DCLK1: variants seen among roughly 807,000 people sequenced by gnomAD.
The protein encoded by DCLK1 is doublecortin like kinase 1.
Under a neutral mutation model 86.2 loss-of-function variants are expected in DCLK1, and 16 were observed. That is an observed-to-expected ratio of 0.19 (90% CI 0.13 to 0.28). DCLK1 has a LOEUF of 0.28. Among genes scored for constraint, DCLK1 ranks in the 10% least tolerant of loss-of-function variants. DCLK1 has a pLI of 1.00. For missense variants in DCLK1, 590 were observed against 940.2 expected (o/e 0.63, Z 4.87); for synonymous variants, 369 against 370.5 (o/e 1.00, Z 0.05).
At position 36,112,118 on chromosome 13, in the gene DCLK1, C is replaced by A; in HGVS notation, c.474G>T (p.Ser158=). The change falls in exon 3 of 17, where the codon TCG becomes TCT. Residue 158 remains serine (S), a synonymous_variant. Coordinates refer to ENST00000360631, the MANE Select transcript of DCLK1 (RefSeq NM_001330071.2). ...PNWSVNVKTT[S]ASRAVSSLAT... The stretch of plus-strand genomic sequence containing the variant: ...CCAGTGAAGACACTGCCCGAGAAGC[C>A]GAGGTGGTCTTGACGTTCACCGACC... 6.2e-7 allele frequency: 1 copy of A among 1,613,822 alleles called. No homozygotes were observed.
At chr13:36,077,186 A>G (rs1458530093) in intron 3 of DCLK1, among the ~76,000 whole-genome samples, 2 of 152,246 alleles carry the variant, frequency 1.3e-5, no homozygotes, top group African/African-American at 4.8e-5. Context: ...AGACTTGCCC[A>G]AGGTGACACT....
At chr13:36,007,696 T>G (rs900402288) in intron 3 of DCLK1, among the ~76,000 whole-genome samples, 95 of 152,260 alleles carry the variant, frequency 6.2e-4, no homozygotes, top group African/African-American at 2.2e-3. Flanking sequence ...TATTTGTGAG[T>G]AGAAAAACTC....
chr13:35,909,327 G>A (rs1874864871), intron 4 of DCLK1, among the ~76,000 whole-genome samples: 1 of 152,150 alleles, frequency 6.6e-6, no homozygotes, highest in Non-Finnish European at 1.5e-5. Context: ...ATGAATATTT[G>A]CACATAAAAT....
At chr13:35,935,748 A>T (rs1193334335) in intron 4 of DCLK1, among the ~76,000 whole-genome samples, 2 of 152,148 alleles carry the variant, frequency 1.3e-5, no homozygotes, top group Admixed American at 1.3e-4. Flanking sequence ...AAGATTAAGG[A>T]TATATTGTCA....
At chr13:35,828,524 A>G (rs1008501586) in intron 8 of DCLK1, among the ~76,000 whole-genome samples, 1 of 152,190 alleles carries the variant, frequency 6.6e-6, no homozygotes. Flanking sequence ...GCATAGAGAA[A>G]TCTTGGGCTA....
At chr13:35,895,549 T>G (rs1873910446) in intron 4 of DCLK1, among the ~76,000 whole-genome samples, 1 of 152,210 alleles carries the variant, frequency 6.6e-6, no homozygotes, top group Non-Finnish European at 1.5e-5. Flanking sequence ...CTTCTTGGAC[T>G]GAGTAAATTG....
intron 3 of DCLK1, among the ~76,000 whole-genome samples, chr13:36,044,125 C>T (rs1294429244): frequency 2.0e-5 from 3 of 152,150 alleles, no homozygotes; most frequent in African/African-American, 7.2e-5. Context: ...TCTGCAATTT[C>T]CTTCCCCTCT....
chr13:35,952,119 T>C (rs1877726196), intron 3 of DCLK1, among the ~76,000 whole-genome samples: 1 of 152,216 alleles, frequency 6.6e-6, no homozygotes, highest in Non-Finnish European at 1.5e-5. Flanking sequence ...GTTTAGCTTT[T>C]TTTATTAGCC....
intron 6 of DCLK1, chr13:35,848,162 C>T (rs2153109471): frequency 1.0e-6 from 1 of 985,266 alleles, no homozygotes; most frequent in Admixed American, 6.1e-5. Flanking sequence ...AACTGCGTGG[C>T]TTTTGCTGAA....
intron 4 of DCLK1, among the ~76,000 whole-genome samples, chr13:35,882,696 TTCCCCA>T (rs1463632275): frequency 7.4e-4 from 112 of 152,324 alleles, no homozygotes; most frequent in African/African-American, 2.3e-3. Flanking sequence ...AAAGGAACAA[TTCCCCA>T]ATACTGCCAC....
chr13:35,772,641 CGT>C lies in DCLK1; in HGVS notation c.*1892_*1893del, dbSNP rs1204758847. 1 of 150,020 alleles carries C rather than the reference CGT, an allele frequency of 6.7e-6. No individual in the cohort carries two copies. The highest frequency in any genetic ancestry group is 1.5e-5 in the Non-Finnish European group (1 of 67,706). The allele number at this position is 150,020 out of a possible 1,614,324, so 9.3% of individuals were successfully genotyped here. A position where few individuals can be genotyped will look rare whatever the true frequency, so the allele number is the denominator to read the frequency against. Reference sequence around the variant, plus strand: ...TGATTTATGCTACTTTGTGATTTTGCGTGTTATCACTTCCGGATGCTCTAAAA... The same window carrying C: ...TGATTTATGCTACTTTGTGATTTTGCGTTATCACTTCCGGATGCTCTAAAA... On this transcript the variant is annotated 3_prime_UTR_variant, in exon 17 of 17. Coordinates refer to ENST00000360631, the MANE Select transcript of DCLK1 (RefSeq NM_001330071.2).
At position 35,817,116 on chromosome 13, in the gene DCLK1, C is replaced by G. The variant is rs1016316411; in HGVS notation, c.1554+5613G>C. Among the ~76,000 whole-genome samples, 24 of 152,294 alleles carry G rather than the reference C, an allele frequency of 1.6e-4. No individual in the cohort carries two copies. The South Asian group carries it at 3.1e-3, about 20-fold the overall frequency. Reference sequence around the variant, plus strand: ...TTTTAGAAAGAAATGAGTGTCATCTCTTAATGACAGCAGAAAGGAGCAGTG... The same window carrying G: ...TTTTAGAAAGAAATGAGTGTCATCTGTTAATGACAGCAGAAAGGAGCAGTG... On this transcript the variant is annotated intron_variant, in intron 11 of 16. Coordinates refer to ENST00000360631, the MANE Select transcript of DCLK1 (RefSeq NM_001330071.2).
intron 3 of DCLK1, among the ~76,000 whole-genome samples, chr13:35,998,741 C>T (rs1463285372): frequency 6.6e-6 from 1 of 152,142 alleles, no homozygotes; most frequent in African/African-American, 2.4e-5. Context: ...GTGCCCTAAC[C>T]TTTTCAGAGC....
intron 3 of DCLK1, among the ~76,000 whole-genome samples, chr13:36,078,797 CT>C (rs1290580644): frequency 1.3e-5 from 2 of 152,186 alleles, no homozygotes; most frequent in African/African-American, 4.8e-5. Flanking sequence ...TCACTTTACA[CT>C]TCCAATTTTA....
intron 4 of DCLK1, among the ~76,000 whole-genome samples, chr13:35,934,577 G>A (rs1427376918): frequency 6.6e-6 from 1 of 152,112 alleles, no homozygotes; most frequent in Non-Finnish European, 1.5e-5. Flanking sequence ...CTTATTCATT[G>A]CCATGAGAGC....
chr13:36,086,084 T>C (rs9575260), intron 3 of DCLK1, among the ~76,000 whole-genome samples: 89,868 of 152,050 alleles, frequency 0.59, 26,993 homozygotes, highest in East Asian at 0.87. Flanking sequence ...ATATAAAAGG[T>C]TCATCCTTCC....
In DCLK1 at chr13:35,825,812, T is replaced by C. The variant is rs1172674254; in HGVS notation, c.1407+1823A>G. Among the ~76,000 whole-genome samples, 12 of 96,156 alleles carry C rather than the reference T, an allele frequency of 1.2e-4. No individual in the cohort carries two copies. The Admixed American group carries it at 1.3e-3, about 10-fold the overall frequency. 63.1% of individuals were successfully genotyped at this position (96,156 alleles called of 152,430 possible). A position where few individuals can be genotyped will look rare whatever the true frequency, so the allele number is the denominator to read the frequency against. ...TCTTTATTCAAATGAAATCGACTTTTCTTTTTTATTTTTTTTTGAGACAGA... is the reference window on the plus strand; with the variant it reads ...TCTTTATTCAAATGAAATCGACTTTCCTTTTTTATTTTTTTTTGAGACAGA... On this transcript the variant is annotated intron_variant, in intron 10 of 16. Transcript: ENST00000360631.
At chr13:35,839,273 C>T in intron 6 of DCLK1, 97 bp from the exon 7 acceptor site, 1 of 1,085,614 alleles carries the variant, frequency 9.2e-7, no homozygotes, top group Non-Finnish European at 1.3e-6. Flanking sequence ...GAAAACTTTG[C>T]CCATGCTAGG....
chr13:35,980,067 G>C lies in DCLK1; in HGVS notation c.724-32610C>G, dbSNP rs376796855. On this transcript the variant is annotated intron_variant, in intron 3 of 16. Transcript: ENST00000360631. ...CCATTTTTGAGTGTACAGTTTAGCAGTGCTACGAACATTCACATTGTTGTC... is the reference window on the plus strand; with the variant it reads ...CCATTTTTGAGTGTACAGTTTAGCACTGCTACGAACATTCACATTGTTGTC... 3.2e-4 allele frequency among the ~76,000 whole-genome samples: 49 copies of C among 152,296 alleles called. No individual in the cohort carries two copies. The South Asian group carries it at 1.0e-2, about 31-fold the overall frequency.
Sources: allele counts gnomAD v4.1 joint callset (sites outside exome capture counted in the v4.1 genomes callset), GRCh38; gene constraint gnomAD v4.1.1; transcripts MANE v1.5; gene names NCBI Gene and HGNC (gene_info 2026-07-23, HGNC 2026-07-21).